The following ARL6IP6 variants were observed in gnomAD, a reference collection of about 807,000 sequenced individuals.
ARL6IP6 encodes the protein ADP-ribosylation factor-like protein 6-interacting protein 6.
In ARL6IP6, 22 loss-of-function variants were observed where a neutral mutation model predicts 21.5. That is an observed-to-expected ratio of 1.02 (90% CI 0.73 to 1.46). The LOEUF is 1.46. Among genes scored for constraint, ARL6IP6 ranks in the 40% most tolerant of loss-of-function variants. ARL6IP6 has a pLI of 0.00. For synonymous variants in ARL6IP6, 164 were observed against 125.3 expected (o/e 1.31, Z -2.06); for missense variants, 388 against 299.8 (o/e 1.29, Z -2.17).
Position 152,718,890 on chromosome 2 carries a change from G to A in ARL6IP6, c.266G>A (p.Gly89Asp). ...CCCGTTCTGCCCGATAAGCGCAATGGTATCTTTCCCGCGGCCGCGGGCAGC... is the reference window on the plus strand; with the variant it reads ...CCCGTTCTGCCCGATAAGCGCAATGATATCTTTCCCGCGGCCGCGGGCAGC... ...GSPVLPDKRNGIFPAAAGSRA... is the reference protein window; with the variant it reads ...GSPVLPDKRNDIFPAAAGSRA... Residue 89 changes from glycine (G) to aspartate (D), a missense_variant, in exon 1 of 4, where the codon GGT becomes GAT. Physicochemically the swap from Gly to Asp is moderately conservative, Grantham distance 94 (BLOSUM62 -1). Transcript: ENST00000326446. The A allele has an allele frequency of 6.2e-7, 1 of 1,613,948 alleles. No homozygotes were observed. The highest frequency in any genetic ancestry group is 8.5e-7 in the Non-Finnish European group (1 of 1,179,928).
chr2:152,745,932 G>A (rs1701021887), intron 3 of ARL6IP6, among the ~76,000 whole-genome samples: 1 of 148,402 alleles, frequency 6.7e-6, no homozygotes, highest in South Asian at 2.2e-4. Context: ...AATCCTCTAG[G>A]AAATTGTATT....
At chr2:152,753,120 C>CA in intron 3 of ARL6IP6, among the ~76,000 whole-genome samples, 1 of 152,000 alleles carries the variant, frequency 6.6e-6, no homozygotes, top group South Asian at 2.1e-4. Flanking sequence ...GCCTGGGTAA[C>CA]AGAGTGAGAC....
chr2:152,739,674 G>T lies in ARL6IP6; in HGVS notation c.587+4548G>T, dbSNP rs546289420. On this transcript the variant is annotated intron_variant, in intron 3 of 3. Transcript: ENST00000326446. ...TTCCAAAGTTACTCCCACATTTTCA[G>T]GTATGTTTACAGCAGCAACCCGCTC... 2.6e-5 allele frequency among the ~76,000 whole-genome samples: 4 copies of T among 152,160 alleles called. No individual in the cohort carries two copies. In the South Asian group the frequency reaches 8.3e-4, roughly 32 times the overall value.
intron 2 of ARL6IP6, among the ~76,000 whole-genome samples, chr2:152,722,287 A>G (rs1699825875): frequency 6.6e-6 from 1 of 152,224 alleles, no homozygotes; most frequent in Admixed American, 6.5e-5. Context: ...TGCTAATGGC[A>G]TGAATTTATT....
chr2:152,718,958 C>G lies in ARL6IP6; in HGVS notation c.334C>G (p.Leu112Val). The G allele has an allele frequency of 6.2e-7, 1 of 1,604,526 alleles. No homozygotes were observed. Among genetic ancestry groups the G allele is most frequent in the Non-Finnish European group, 8.5e-7 (1 of 1,174,428 alleles). Reference protein sequence around the residue: ...RRWPVQVLSILCSLLFAILLA... With the variant: ...RRWPVQVLSIVCSLLFAILLA... Reference sequence around the variant, plus strand: ...GTGGCCGGTCCAGGTCCTCTCTATTCTCTGCTCGCTGCTCTTCGCCATTCT... The same window carrying G: ...GTGGCCGGTCCAGGTCCTCTCTATTGTCTGCTCGCTGCTCTTCGCCATTCT... Residue 112 changes from leucine (L) to valine (V), a missense_variant, in exon 1 of 4, where the codon CTC (leucine) becomes GTC (valine). Coordinates refer to ENST00000326446, the MANE Select transcript of ARL6IP6 (RefSeq NM_152522.7).
At chr2:152,727,613 T>C (rs898814585) in intron 2 of ARL6IP6, among the ~76,000 whole-genome samples, 5 of 152,186 alleles carry the variant, frequency 3.3e-5, no homozygotes, top group African/African-American at 1.2e-4. Flanking sequence ...TATTTTATCT[T>C]TTACACTGTA....
upstream of ARL6IP6, chr2:152,718,192 T>A: frequency 1.8e-6 from 1 of 546,706 alleles, no homozygotes; most frequent in Non-Finnish European, 2.3e-6. Flanking sequence ...AGAAGACAAA[T>A]AGGTTCGGGA....
At position 152,760,953 on chromosome 2, in the gene ARL6IP6, T is replaced by C. The variant is rs1014103765; in HGVS notation, c.*1113T>C. ...TTCTAAGTAATTAAGCCTTAATTTT[T>C]CCCCTATGTTACTAAAGACTTTTAA... On this transcript the variant is annotated 3_prime_UTR_variant, in exon 4 of 4. Transcript: ENST00000326446. 3 of 152,206 alleles carry C rather than the reference T, an allele frequency of 2.0e-5. No individual in the cohort carries two copies. Among genetic ancestry groups the C allele is most frequent in the South Asian group, 2.1e-4 (1 of 4,826 alleles). The allele number at this position is 152,206 out of a possible 1,614,324, so 9.4% of individuals were successfully genotyped here.
chr2:152,749,337 G>A (rs201534561), intron 3 of ARL6IP6, among the ~76,000 whole-genome samples: 20 of 71,024 alleles, frequency 2.8e-4, no homozygotes, highest in East Asian at 4.5e-4. Context: ...ACACACACAC[G>A]CACGCACGCG....
chr2:152,746,271 C>T lies in ARL6IP6; in HGVS notation c.587+11145C>T, dbSNP rs138994215. 7.1e-3 allele frequency among the ~76,000 whole-genome samples: 1,075 copies of T among 152,218 alleles called. 11 individuals carry two copies. Among genetic ancestry groups the T allele is most frequent in the African/African-American group, 0.024 (1,002 of 41,528 alleles). The stretch of plus-strand genomic sequence containing the variant: ...CGAACTCCTGGGTTCAAGTGATCCA[C>T]CTGCCTCGGCCTCCCAAAGTGCTGG... On this transcript the variant is annotated intron_variant, in intron 3 of 3. Transcript: ENST00000326446.
intron 2 of ARL6IP6, among the ~76,000 whole-genome samples, chr2:152,728,896 T>C (rs1392042174): frequency 6.6e-6 from 1 of 151,912 alleles, no homozygotes; most frequent in African/African-American, 2.4e-5. Context: ...TCGTCTCTAC[T>C]AAAAGTACAG....
At chr2:152,725,724 C>T (rs1305096255) in intron 2 of ARL6IP6, among the ~76,000 whole-genome samples, 2 of 151,550 alleles carry the variant, frequency 1.3e-5, no homozygotes, top group Admixed American at 1.3e-4. Context: ...GTGGTATTTA[C>T]AAGATGGATA....
chr2:152,731,735 C>A (rs182272952), intron 2 of ARL6IP6, among the ~76,000 whole-genome samples: 1 of 152,168 alleles, frequency 6.6e-6, no homozygotes, highest in Non-Finnish European at 1.5e-5. Context: ...CCCAACCACT[C>A]TTTCCTCCCT....
At chr2:152,729,536 T>G (rs1042510297) in intron 2 of ARL6IP6, among the ~76,000 whole-genome samples, 1 of 152,160 alleles carries the variant, frequency 6.6e-6, no homozygotes, top group Non-Finnish European at 1.5e-5. Context: ...GAATGTTCCT[T>G]GGAGCATTGT....
intron 3 of ARL6IP6, among the ~76,000 whole-genome samples, chr2:152,747,151 T>C (rs1350486060): frequency 6.6e-6 from 1 of 152,078 alleles, no homozygotes; most frequent in Non-Finnish European, 1.5e-5. Flanking sequence ...GTTAATATTA[T>C]CTCATTTAGT....
At chr2:152,718,186 G>C, upstream of ARL6IP6, 1 of 577,576 alleles carries the variant, frequency 1.7e-6, no homozygotes, top group Non-Finnish European at 2.2e-6. Context: ...GAAGGGAGAA[G>C]ACAAATAGGT....
chr2:152,749,407 A>G (rs1384442153), intron 3 of ARL6IP6, among the ~76,000 whole-genome samples: 1 of 151,964 alleles, frequency 6.6e-6, no homozygotes, highest in Non-Finnish European at 1.5e-5. Flanking sequence ...TTGCTTTTAT[A>G]CTACTATTGT....
At chr2:152,723,117 C>T (rs938877255) in intron 2 of ARL6IP6, among the ~76,000 whole-genome samples, 2 of 152,152 alleles carry the variant, frequency 1.3e-5, no homozygotes, top group South Asian at 4.1e-4. Flanking sequence ...TCTAAATCAA[C>T]GCTGAGTTGA....
intron 2 of ARL6IP6, among the ~76,000 whole-genome samples, chr2:152,725,758 T>G (rs1254815953): frequency 6.6e-6 from 1 of 152,210 alleles, no homozygotes; most frequent in East Asian, 1.9e-4. Context: ...TACATGAAGT[T>G]AGTAAGCAAT....
Sources: allele counts gnomAD v4.1 joint callset (sites outside exome capture counted in the v4.1 genomes callset), GRCh38; gene constraint gnomAD v4.1.1; transcripts MANE v1.5; gene names NCBI Gene and HGNC (gene_info 2026-07-23, HGNC 2026-07-21).